The following SVEP1 variants were observed in gnomAD, a reference collection of about 807,000 sequenced individuals.
The protein encoded by SVEP1 is sushi, von Willebrand factor type A, EGF and pentraxin domain containing 1.
In SVEP1, 164 loss-of-function variants were observed where a neutral mutation model predicts 367.3. The observed-to-expected ratio is 0.45, with a 90% CI of 0.39 to 0.51. The LOEUF (loss-of-function observed/expected upper bound fraction) is 0.51, where lower values mean the gene tolerates loss of function less well. Ranked by LOEUF, SVEP1 falls within the 20% of genes least tolerant of loss-of-function variation. SVEP1 has a pLI of 0.00. For missense variants in SVEP1, 4,117 were observed against 4,425.3 expected, an observed-to-expected ratio of 0.93 and a Z score of 1.98; for synonymous variants, 1,666 against 1,611.6, an observed-to-expected ratio of 1.03 and a Z score of -0.81.
At chr9:110,446,105 C>T in intron 25 of SVEP1, 67 bp from the exon 26 acceptor site, 1 of 1,429,684 alleles carries the variant, frequency 7.0e-7, no homozygotes, top group South Asian at 1.3e-5. Context: ...TCAGAGGAAG[C>T]AGTGCTATTG....
intron 5 of SVEP1, among the ~76,000 whole-genome samples, chr9:110,503,595 G>T (rs75322443): frequency 0.021 from 3,181 of 152,248 alleles, 48 homozygotes; most frequent in South Asian, 0.063. Flanking sequence ...AAAAGGAAGT[G>T]GTATTTTCCA....
At chr9:110,410,912 A>T (rs1456766626) in intron 37 of SVEP1, 151 bp downstream of exon 37, 1 of 602,366 alleles carries the variant, frequency 1.7e-6, no homozygotes, top group South Asian at 3.2e-5. Flanking sequence ...TAAAAAGATT[A>T]TCATGATTCT....
At chr9:110,470,583 C>T (rs991466038) in intron 16 of SVEP1, among the ~76,000 whole-genome samples, 3 of 151,782 alleles carry the variant, frequency 2.0e-5, no homozygotes, top group Non-Finnish European at 4.4e-5. Flanking sequence ...CAGGCATGTG[C>T]CATCATGCTT....
At chr9:110,510,019 A>G (rs1023099065) in intron 5 of SVEP1, among the ~76,000 whole-genome samples, 4 of 152,180 alleles carry the variant, frequency 2.6e-5, no homozygotes, top group African/African-American at 9.6e-5. Flanking sequence ...TGGAAGGCAG[A>G]AGTGAGGAAG....
intron 20 of SVEP1, among the ~76,000 whole-genome samples, chr9:110,457,558 T>A (rs746772417): frequency 1.1e-4 from 16 of 152,194 alleles, no homozygotes; most frequent in Admixed American, 3.3e-4. Flanking sequence ...TTGGGTGATG[T>A]TCTGGTAAAC....
chr9:110,447,556 T>C (rs1828622157), intron 24 of SVEP1, among the ~76,000 whole-genome samples: 1 of 152,244 alleles, frequency 6.6e-6, no homozygotes, highest in Non-Finnish European at 1.5e-5. Context: ...GGATGCTATA[T>C]AGTTTCTGTG....
Position 110,489,689 on chromosome 9 carries a change from C to T in SVEP1, c.1891G>A (p.Gly631Ser), listed in dbSNP as rs766276423. ...TGGAAAATGCAGCTGGCCTGGTTGC[C>T]GGATAGGTCAGTTGCCGTGTATACG... ...AIVYTATDLS[G>S]NQASCIFHIK... The change falls in exon 9 of 48, where the codon GGC becomes AGC. Residue 631 changes from glycine (G) to serine (S), a missense_variant. This residue lies in a region of SVEP1 where 2,174 missense variants were observed against 2,494.3 expected (regional missense o/e 0.87). Transcript: ENST00000374469. 37 of 1,613,142 alleles carry T rather than the reference C, an allele frequency of 2.3e-5. No homozygotes were observed. The highest frequency in any genetic ancestry group is 2.8e-5 in the Non-Finnish European group (33 of 1,179,536).
chr9:110,371,582 G>A (rs1827276786), intron 46 of SVEP1, among the ~76,000 whole-genome samples: 1 of 152,076 alleles, frequency 6.6e-6, no homozygotes, highest in South Asian at 2.1e-4. Flanking sequence ...ATGTTTCACA[G>A]TCCTCTCAGA....
At chr9:110,393,534 G>C (rs955916297) in intron 40 of SVEP1, among the ~76,000 whole-genome samples, 1 of 152,170 alleles carries the variant, frequency 6.6e-6, no homozygotes, top group Non-Finnish European at 1.5e-5. Flanking sequence ...GCAGTGCACT[G>C]TGCACAAGCC....
At chr9:110,549,555 C>T (rs1203181273) in intron 2 of SVEP1, among the ~76,000 whole-genome samples, 1 of 152,108 alleles carries the variant, frequency 6.6e-6, no homozygotes, top group Non-Finnish European at 1.5e-5. Context: ...CTGTGTGTGG[C>T]CTCAAAACAC....
At chr9:110,481,539 C>T (rs1318570182) in intron 11 of SVEP1, 103 bp from the exon 12 acceptor site, 9 of 770,834 alleles carry the variant, frequency 1.2e-5, no homozygotes, top group East Asian at 6.2e-5. Context: ...TCCTGTCTAT[C>T]GCTATTTCTA....
At chr9:110,488,198 C>T (rs1200008516) in intron 9 of SVEP1, among the ~76,000 whole-genome samples, 11 of 152,080 alleles carry the variant, frequency 7.2e-5, no homozygotes, top group African/African-American at 9.7e-5. Context: ...TTGGCTGTGT[C>T]CTTTTCTGAG....
At chr9:110,482,550 A>G (rs1829209075) in intron 10 of SVEP1, 58 bp from the exon 11 acceptor site, 2 of 1,540,014 alleles carry the variant, frequency 1.3e-6, no homozygotes, top group Non-Finnish European at 1.8e-6. Context: ...TTTTTTTGAA[A>G]CAGTCTTACT....
At chr9:110,378,179 C>T (rs533072554) in intron 44 of SVEP1, among the ~76,000 whole-genome samples, 1 of 152,250 alleles carries the variant, frequency 6.6e-6, no homozygotes, top group Non-Finnish European at 1.5e-5. Context: ...TATCTGTCAA[C>T]AGACATTTAT....
At chr9:110,413,535 G>T (rs1828076038) in intron 36 of SVEP1, among the ~76,000 whole-genome samples, 1 of 151,572 alleles carries the variant, frequency 6.6e-6, no homozygotes, top group Non-Finnish European at 1.5e-5. Flanking sequence ...AAAACTTAAA[G>T]TATAATAATA....
At chr9:110,429,610 TG>T (rs1335850490) in intron 34 of SVEP1, among the ~76,000 whole-genome samples, 4 of 152,034 alleles carry the variant, frequency 2.6e-5, no homozygotes, top group Admixed American at 6.6e-5. Flanking sequence ...GGCTTGAGAG[TG>T]GTGTGGTCTA....
At chr9:110,392,685 C>T (rs1827683576) in intron 40 of SVEP1, among the ~76,000 whole-genome samples, 1 of 152,160 alleles carries the variant, frequency 6.6e-6, no homozygotes, top group African/African-American at 2.4e-5. Flanking sequence ...CTTGAGTTGT[C>T]TGTTTTTAAA....
chr9:110,487,246 C>T (rs902423497), intron 9 of SVEP1, among the ~76,000 whole-genome samples: 3 of 152,198 alleles, frequency 2.0e-5, no homozygotes, highest in Admixed American at 6.5e-5. Flanking sequence ...TGAGCCATCA[C>T]ACCTGGCCCT....
In SVEP1 at chr9:110,481,393, A is replaced by T; in HGVS notation, c.2214T>A (p.Phe738Leu). ...EIPFTPVNGD[F>L]ICTPDNTGVN... is the part of the protein sequence containing the mutation. ...CTCCAGTATTATCTGGAGTGCATAT[A>T]AAATCCCCATTTACAGGTGTGAATG... Residue 738 changes from phenylalanine (F) to leucine (L), a missense_variant, in exon 12 of 48, where the codon TTT becomes TTA. Phe to Leu is a conservative substitution (Grantham distance 22). Transcript: ENST00000374469. 6.2e-7 allele frequency: 1 copy of T among 1,604,444 alleles called. No individual in the cohort carries two copies. Among genetic ancestry groups the T allele is most frequent in the South Asian group, 1.1e-5 (1 of 88,702 alleles).
Sources: allele counts gnomAD v4.1 joint callset (sites outside exome capture counted in the v4.1 genomes callset), GRCh38; gene constraint gnomAD v4.1.1; regional missense constraint gnomAD v4.1.1; transcripts MANE v1.5; gene names NCBI Gene and HGNC (gene_info 2026-07-23, HGNC 2026-07-21).